The following SULT1B1 variants were observed in gnomAD, a reference collection of about 807,000 sequenced individuals.
SULT1B1 encodes the protein sulfotransferase family 1B member 1.
A neutral mutation model predicts 34.6 loss-of-function variants in SULT1B1; 28 were observed. The observed-to-expected ratio is 0.81, with a 90% CI of 0.60 to 1.11. The LOEUF (loss-of-function observed/expected upper bound fraction) is 1.11, where lower values mean the gene tolerates loss of function less well. Ranked by LOEUF, SULT1B1 falls within the 50% of genes least tolerant of loss-of-function variation. The pLI, the probability that SULT1B1 is intolerant of heterozygous loss-of-function variation, is 0.00. For missense variants in SULT1B1, 374 were observed against 352.2 expected (o/e 1.06, Z -0.50); for synonymous variants, 147 against 110.2 (o/e 1.33, Z -2.09).
rs1718212178 is a variant in SULT1B1 at position 69,734,278 on chromosome 4, T to A, written c.376-14A>T. 2.5e-6 allele frequency: 4 copies of A among 1,584,838 alleles called. No individual in the cohort carries two copies. Among genetic ancestry groups the A allele is most frequent in the Admixed American group, 1.7e-5 (1 of 57,310 alleles). Reference sequence around the variant, plus strand: ...CAGATAAATCATCTGCAGTGGGGGGTGGGGGTAGGAGAAAAAAATAAGATA... The same window carrying A: ...CAGATAAATCATCTGCAGTGGGGGGAGGGGGTAGGAGAAAAAAATAAGATA... On this transcript the variant is annotated splice_polypyrimidine_tract_variant and intron_variant, in intron 4 of 7. Coordinates refer to ENST00000310613, the MANE Select transcript of SULT1B1 (RefSeq NM_014465.4).
Position 69,734,415 on chromosome 4 carries a change from A to T in SULT1B1, c.376-151T>A, listed in dbSNP as rs1233076162. Reference sequence around the variant, plus strand: ...GCCCTTCTATTAACAGCTAAAATATAGAATCAATTCAAGTGATTTTCAATA... The same window carrying T: ...GCCCTTCTATTAACAGCTAAAATATTGAATCAATTCAAGTGATTTTCAATA... On this transcript the variant is annotated intron_variant, in intron 4 of 7. Coordinates refer to ENST00000310613, the MANE Select transcript of SULT1B1 (RefSeq NM_014465.4). 6.9e-6 allele frequency: 5 copies of T among 720,970 alleles called. No homozygotes were observed. The African/African-American group carries it at 9.2e-5, about 13-fold the overall frequency. The allele number at this position is 720,970 out of a possible 1,614,324, so 44.7% of individuals were successfully genotyped here.
chr4:69,731,826 T>C (rs944979414), intron 6 of SULT1B1, among the ~76,000 whole-genome samples: 3 of 152,180 alleles, frequency 2.0e-5, no homozygotes, highest in African/African-American at 7.2e-5. Context: ...GAATAAAGCA[T>C]TTTAGCTAAA....
rs371978235 is a variant in SULT1B1 at position 69,734,248 on chromosome 4, C to T, written c.392G>A (p.Arg131His). The change falls in exon 5 of 8, where the codon CGT becomes CAT. Residue 131 changes from arginine (R) to histidine (H), a missense_variant. Physicochemically the swap from Arg to His is conservative, Grantham distance 29 (BLOSUM62 0). Transcript: ENST00000310613. ...TGAGACTGAAACATCCTTGGCATTACGAGCCAGATAAATCATCTGCAGTGG... is the reference window on the plus strand; with the variant it reads ...TGAGACTGAAACATCCTTGGCATTATGAGCCAGATAAATCATCTGCAGTGG... Reference protein sequence around the residue: ...ENNCKMIYLARNAKDVSVSYY... With the variant: ...ENNCKMIYLAHNAKDVSVSYY... The T allele has an allele frequency of 1.7e-4, 268 of 1,609,736 alleles. No individual in the cohort carries two copies. Among genetic ancestry groups the T allele is most frequent in the Non-Finnish European group, 2.1e-4 (250 of 1,178,374 alleles).
chr4:69,760,003 G>A (rs989227916), intron 1 of SULT1B1, among the ~76,000 whole-genome samples: 1 of 152,146 alleles, frequency 6.6e-6, no homozygotes, highest in African/African-American at 2.4e-5. Flanking sequence ...GTCATACTCT[G>A]ACAAAGTTTA....
chr4:69,730,336 T>C (rs1428298381), intron 7 of SULT1B1, among the ~76,000 whole-genome samples, 165 bp downstream of exon 7: 1 of 152,180 alleles, frequency 6.6e-6, no homozygotes, highest in Non-Finnish European at 1.5e-5. Context: ...TTTACATGCA[T>C]TGTTTCATTT....
chr4:69,756,784 A>T (rs993117874), intron 1 of SULT1B1, among the ~76,000 whole-genome samples: 1 of 152,090 alleles, frequency 6.6e-6, no homozygotes, highest in Non-Finnish European at 1.5e-5. Flanking sequence ...TCATATATGT[A>T]TGTGTTCAAA....
chr4:69,727,175 G>A lies in SULT1B1; in HGVS notation c.804C>T (p.Tyr268=). The A allele has an allele frequency of 6.2e-7, 1 of 1,610,798 alleles. No individual in the cohort carries two copies. The change falls in exon 8 of 8, where the codon TAC becomes TAT. Residue 268 remains tyrosine, a synonymous_variant. Transcript: ENST00000310613. ...RKGTAGDWKN[Y]FTVAQNEKFD... Reference sequence around the variant, plus strand: ...ATTTCTCATTTTGGGCCACGGTGAAGTAATTCTTCCAGTCACCAGCCGTCC... The same window carrying A: ...ATTTCTCATTTTGGGCCACGGTGAAATAATTCTTCCAGTCACCAGCCGTCC...
intron 3 of SULT1B1, among the ~76,000 whole-genome samples, chr4:69,750,198 T>C (rs2110029282): frequency 6.6e-6 from 1 of 152,284 alleles, no homozygotes; most frequent in South Asian, 2.1e-4. Context: ...GTTTTCTTCA[T>C]GCCAAAGAGG....
At chr4:69,751,759 G>C (rs1307221228) in intron 3 of SULT1B1, among the ~76,000 whole-genome samples, 2 of 152,178 alleles carry the variant, frequency 1.3e-5, no homozygotes, top group Non-Finnish European at 1.5e-5. Flanking sequence ...GCCTAGAGTA[G>C]ATTTAAATGC....
In SULT1B1 at chr4:69,749,702, C is replaced by A; in HGVS notation, c.375+19G>T. The A allele has an allele frequency of 1.3e-6, 2 of 1,576,062 alleles. No individual in the cohort carries two copies. Among genetic ancestry groups the A allele is most frequent in the Non-Finnish European group, 1.7e-6 (2 of 1,145,702 alleles). ...GGATAGGGCCATACTAAAAAACTGA[C>A]ATGGAGTCTGGAGTATACCTTGCAA... is the stretch of plus-strand genomic sequence containing the variant. On this transcript the variant is annotated intron_variant, in intron 4 of 7. Coordinates refer to ENST00000310613, the MANE Select transcript of SULT1B1 (RefSeq NM_014465.4).
chr4:69,749,592 G>A (rs952168293), intron 4 of SULT1B1, 129 bp downstream of exon 4: 1 of 543,106 alleles, frequency 1.8e-6, no homozygotes, highest in Non-Finnish European at 3.3e-6. Context: ...CGTACAACGT[G>A]AGTGGGTATA....
rs1201960108 is a variant in SULT1B1, at chr4:69,730,619, G to C, written c.660C>G (p.Ile220Met). ...AGGTGTGATGGATGATCCTATCCAA[G>C]ATCTCATCATTCAGGTTCTTCTCTA... Reference protein sequence around the residue: ...RFLEKNLNDEILDRIIHHTSF... With the variant: ...RFLEKNLNDEMLDRIIHHTSF... The change falls in exon 7 of 8, where the codon ATC becomes ATG. Residue 220 changes from isoleucine to methionine, a missense_variant. Coordinates refer to ENST00000310613, the MANE Select transcript of SULT1B1 (RefSeq NM_014465.4). 1.2e-6 allele frequency: 2 copies of C among 1,613,182 alleles called. No individual in the cohort carries two copies. Among genetic ancestry groups the C allele is most frequent in the Admixed American group, 3.3e-5 (2 of 59,892 alleles).
Position 69,736,626 on chromosome 4 carries a change from A to C in SULT1B1, c.376-2362T>G, listed in dbSNP as rs188917768. Among the ~76,000 whole-genome samples the C allele has an allele frequency of 1.8e-4, 27 of 152,318 alleles. No individual in the cohort carries two copies. The East Asian group carries it at 3.1e-3, about 17-fold the overall frequency. ...AAAAAAAATTTAAAATAAATGAAAA[A>C]ATAGAAAAGAAATTGGAGTTATATT... On this transcript the variant is annotated intron_variant, in intron 4 of 7. Transcript: ENST00000310613.
Position 69,722,523 on chromosome 4 carries a change from T to A in SULT1B1, c.*4565A>T, listed in dbSNP as rs1291000417. ...GGAACTAGTTCACAATACCTTTAGA[T>A]AGTCAAGATTAACTCCTATAAAATA... is the stretch of plus-strand genomic sequence containing the variant. On this transcript the variant is annotated 3_prime_UTR_variant, in exon 8 of 8. Transcript: ENST00000310613. 6.6e-6 allele frequency: 1 copy of A among 152,142 alleles called. No individual in the cohort carries two copies. The highest frequency in any genetic ancestry group is 1.5e-5 in the Non-Finnish European group (1 of 68,024). The allele number at this position is 152,142 out of a possible 1,614,324, so 9.4% of individuals were successfully genotyped here.
chr4:69,738,594 A>G (rs1718409142), intron 4 of SULT1B1, among the ~76,000 whole-genome samples: 1 of 152,174 alleles, frequency 6.6e-6, no homozygotes, highest in Non-Finnish European at 1.5e-5. Context: ...CATGGGGATT[A>G]TTACAATTGA....
rs1717707709 is a variant in SULT1B1, at chr4:69,723,188, A to G, written c.*3900T>C. 1.3e-5 allele frequency: 2 copies of G among 152,052 alleles called. No individual in the cohort carries two copies. The highest frequency in any genetic ancestry group is 2.4e-5 in the African/African-American group (1 of 41,388). The allele number at this position is 152,052 out of a possible 1,614,324, so 9.4% of individuals were successfully genotyped here. On this transcript the variant is annotated 3_prime_UTR_variant, in exon 8 of 8. Transcript: ENST00000310613. ...GATGCAATAAAAAAAGATAAAGGGG[A>G]TATCACCACCGATGATCCCACAGAA... is the stretch of plus-strand genomic sequence containing the variant.
rs1266302586 is a variant in SULT1B1 at position 69,722,662 on chromosome 4, A to G, written c.*4426T>C. On this transcript the variant is annotated 3_prime_UTR_variant, in exon 8 of 8. Coordinates refer to ENST00000310613, the MANE Select transcript of SULT1B1 (RefSeq NM_014465.4). ...GAATAATAGGTGTACTACTTCTATG[A>G]GGTTTGTTGTTACCACTAGACCAAT... 6.6e-6 allele frequency: 1 copy of G among 152,158 alleles called. No homozygotes were observed. The highest frequency in any genetic ancestry group is 1.5e-5 in the Non-Finnish European group (1 of 68,014). The allele number at this position is 152,158 out of a possible 1,614,324, so 9.4% of individuals were successfully genotyped here.
At chr4:69,731,626 A>T (rs1376650567) in intron 6 of SULT1B1, among the ~76,000 whole-genome samples, 1 of 152,190 alleles carries the variant, frequency 6.6e-6, no homozygotes, top group African/African-American at 2.4e-5. Context: ...TGTATATTCT[A>T]TAATTTTCTT....
chr4:69,755,274 A>T lies in SULT1B1; in HGVS notation c.-44-13T>A. 2.5e-6 allele frequency: 4 copies of T among 1,569,666 alleles called. No individual in the cohort carries two copies. The highest frequency in any genetic ancestry group is 2.6e-6 in the Non-Finnish European group (3 of 1,146,568). ...ATTGACAGTTGTTCTGGAGAAATAT[A>T]GAGAATAAAAATCAGAATCTGAGTA... On this transcript the variant is annotated splice_polypyrimidine_tract_variant and intron_variant, in intron 1 of 7. Transcript: ENST00000310613.
Sources: gnomAD v4.1 joint callset for allele counts (sites outside exome capture counted in the v4.1 genomes callset) on GRCh38, gnomAD v4.1.1 for gene constraint, MANE v1.5 for transcripts, NCBI Gene and HGNC (gene_info 2026-07-23, HGNC 2026-07-21) for gene names.